Variants in HCN1 observed in about 807,000 individuals in gnomAD.
The protein encoded by HCN1 is hyperpolarization activated cyclic nucleotide gated potassium channel 1, also known as potassium/sodium hyperpolarization-activated cyclic nucleotide-gated channel 1.
A neutral mutation model predicts 78.9 loss-of-function variants in HCN1; 13 were observed. The ratio of observed to expected loss-of-function variants is 0.16; its 90% CI spans 0.11 to 0.26. The LOEUF is 0.26. Among genes scored for constraint, HCN1 ranks in the 10% least tolerant of loss-of-function variants. The probability of loss-of-function intolerance (pLI) is 1.00; values close to 1 mark genes in which losing one functional copy is unlikely to be tolerated. For synonymous variants in HCN1, 552 were observed against 455.5 expected (o/e 1.21, Z -2.70); for missense variants, 810 against 1,154.3 (o/e 0.70, Z 4.32).
chr5:45,468,690 G>C, intron 2 of HCN1, among the ~76,000 whole-genome samples: 1 of 151,974 alleles, frequency 6.6e-6, no homozygotes, highest in Non-Finnish European at 1.5e-5. Context: ...AGAATAATCA[G>C]AGATAATGTA....
At chr5:45,582,985 T>G (rs1285857162) in intron 2 of HCN1, among the ~76,000 whole-genome samples, 1 of 151,866 alleles carries the variant, frequency 6.6e-6, no homozygotes, top group Admixed American at 6.6e-5. Context: ...AATTCTCTTT[T>G]TTTTTTTTGT....
At chr5:45,294,231 G>T (rs555574024) in intron 6 of HCN1, among the ~76,000 whole-genome samples, 7 of 152,038 alleles carry the variant, frequency 4.6e-5, no homozygotes, top group South Asian at 2.1e-4. Flanking sequence ...ATTGCCTGTG[G>T]TTTTTTCGAA....
chr5:45,364,514 A>G (rs1747192950), intron 4 of HCN1, among the ~76,000 whole-genome samples: 1 of 152,050 alleles, frequency 6.6e-6, no homozygotes. Context: ...TACCCTTACA[A>G]CATGTTTCAT....
At chr5:45,493,981 T>A (rs1741961126) in intron 2 of HCN1, among the ~76,000 whole-genome samples, 1 of 152,250 alleles carries the variant, frequency 6.6e-6, no homozygotes, top group African/African-American at 2.4e-5. Context: ...GTTTCACATT[T>A]TCTTAATCCA....
At chr5:45,354,310 A>T (rs903460226) in intron 4 of HCN1, among the ~76,000 whole-genome samples, 1 of 151,998 alleles carries the variant, frequency 6.6e-6, no homozygotes, top group African/African-American at 2.4e-5. Flanking sequence ...CTGAAAAAAA[A>T]ATAATTAGGT....
At chr5:45,573,478 C>T (rs1743874880) in intron 2 of HCN1, among the ~76,000 whole-genome samples, 1 of 112,082 alleles carries the variant, frequency 8.9e-6, no homozygotes, top group Non-Finnish European at 1.8e-5. Context: ...TCCCCCCACC[C>T]CGAAAATTGT....
At chr5:45,586,157 C>T (rs1163249914) in intron 2 of HCN1, among the ~76,000 whole-genome samples, 10 of 152,130 alleles carry the variant, frequency 6.6e-5, no homozygotes, top group African/African-American at 1.4e-4. Context: ...TTCCTTGAGC[C>T]GCAGCTGGGC....
Position 45,328,430 on chromosome 5 carries a change from G to A in HCN1, c.1378-24591C>T, listed in dbSNP as rs1435522789. 2.0e-5 allele frequency among the ~76,000 whole-genome samples: 3 copies of A among 151,548 alleles called. No individual in the cohort carries two copies. The Admixed American group carries it at 2.0e-4, about 10-fold the overall frequency. On this transcript the variant is annotated intron_variant, in intron 5 of 7. Transcript: ENST00000303230. The stretch of plus-strand genomic sequence containing the variant: ...GAATGACCAGCATCACTACTGATGT[G>A]CTTTGGGGAAACTTAATTACCTCTT...
chr5:45,651,237 C>A (rs1745670695), intron 1 of HCN1, among the ~76,000 whole-genome samples: 1 of 151,912 alleles, frequency 6.6e-6, no homozygotes, highest in African/African-American at 2.4e-5. Flanking sequence ...ATAGAATTCC[C>A]AAAAGATAAA....
chr5:45,540,947 A>G (rs1228236036), intron 2 of HCN1, among the ~76,000 whole-genome samples: 1 of 152,196 alleles, frequency 6.6e-6, no homozygotes, highest in East Asian at 1.9e-4. Flanking sequence ...TATGTATTCT[A>G]TTTGTCTTTC....
intron 3 of HCN1, among the ~76,000 whole-genome samples, chr5:45,420,726 A>G (rs913576537): frequency 6.6e-6 from 1 of 152,196 alleles, no homozygotes; most frequent in Non-Finnish European, 1.5e-5. Flanking sequence ...ACACAAACAC[A>G]CACACACCAT....
In HCN1 at chr5:45,262,739, T is replaced by C. The variant is rs1467840745; in HGVS notation, c.1855A>G (p.Asn619Asp). Reference sequence around the variant, plus strand: ...TTCACAATCTGCTTGAGGATTTCGTTCTCCTGATTGTTGAAAACACCAGTG... The same window carrying C: ...TTCACAATCTGCTTGAGGATTTCGTCCTCCTGATTGTTGAAAACACCAGTG... ...LNTGVFNNQE[N>D]EILKQIVKHD... The change falls in exon 8 of 8, where the codon AAC becomes GAC. Residue 619 changes from asparagine to aspartate, a missense_variant. Around this residue, in one of 6 missense-constraint regions of HCN1, gnomAD observed 398 missense variants for 381.3 expected, o/e 1.04. Transcript: ENST00000303230. The C allele has an allele frequency of 6.2e-7, 1 of 1,614,100 alleles. No homozygotes were observed.
At chr5:45,478,740 C>T (rs1741579114) in intron 2 of HCN1, among the ~76,000 whole-genome samples, 1 of 152,042 alleles carries the variant, frequency 6.6e-6, no homozygotes, top group Admixed American at 6.6e-5. Flanking sequence ...TGTGGTGTGT[C>T]TGTGTAGATT....
intron 4 of HCN1, among the ~76,000 whole-genome samples, chr5:45,358,391 C>T (rs1028588924): frequency 2.0e-5 from 3 of 151,980 alleles, no homozygotes; most frequent in Non-Finnish European, 4.4e-5. Flanking sequence ...AGTTTATCCC[C>T]TACTCCTTCA....
chr5:45,325,029 G>C (rs1746207621), intron 5 of HCN1, among the ~76,000 whole-genome samples: 1 of 151,782 alleles, frequency 6.6e-6, no homozygotes, highest in African/African-American at 2.4e-5. Flanking sequence ...GTGGGAAGAA[G>C]TTTGTAGGTA....
intron 1 of HCN1, among the ~76,000 whole-genome samples, chr5:45,684,055 A>G (rs932076693): frequency 6.6e-6 from 1 of 152,086 alleles, no homozygotes; most frequent in Non-Finnish European, 1.5e-5. Context: ...TAGTGTCTCT[A>G]TTTCTTCATG....
At chr5:45,393,158 C>G (rs62367556) in intron 4 of HCN1, among the ~76,000 whole-genome samples, 2 of 152,048 alleles carry the variant, frequency 1.3e-5, no homozygotes, top group Admixed American at 1.3e-4. Context: ...TGGTGATATT[C>G]GTATTTTAAT....
chr5:45,571,609 G>T (rs1743837721), intron 2 of HCN1, among the ~76,000 whole-genome samples: 1 of 152,128 alleles, frequency 6.6e-6, no homozygotes, highest in African/African-American at 2.4e-5. Flanking sequence ...TTTTACAAAT[G>T]TCTTTATTTT....
intron 2 of HCN1, among the ~76,000 whole-genome samples, chr5:45,601,174 C>T (rs1744613802): frequency 6.6e-6 from 1 of 152,078 alleles, no homozygotes; most frequent in Non-Finnish European, 1.5e-5. Flanking sequence ...TAGGTGGGCA[C>T]ATCTGGATTT....
Sources: gnomAD v4.1 joint callset for allele counts (sites outside exome capture counted in the v4.1 genomes callset) on GRCh38, gnomAD v4.1.1 for gene constraint, gnomAD v4.1.1 regional missense constraint, MANE v1.5 for transcripts, NCBI Gene and HGNC (gene_info 2026-07-23, HGNC 2026-07-21) for gene names.